FARS2: variants seen among roughly 807,000 people sequenced by gnomAD.
FARS2 encodes phenylalanyl-tRNA synthetase 2, mitochondrial, also known as phenylalanine--tRNA ligase, mitochondrial.
FARS2 carries 40 observed loss-of-function variants against 46.4 expected under a neutral mutation model. The observed-to-expected ratio is 0.86, with a 90% CI of 0.67 to 1.12. The LOEUF is 1.12. FARS2 is among the 50% of genes most tolerant of loss of function. The pLI is 0.00. For synonymous variants in FARS2, 234 were observed against 214.9 expected (o/e 1.09, Z -0.78); for missense variants, 513 against 567.9 (o/e 0.90, Z 0.98).
At chr6:5,731,544 A>C (rs749301092) in intron 6 of FARS2, among the ~76,000 whole-genome samples, 2 of 152,190 alleles carry the variant, frequency 1.3e-5, no homozygotes, top group African/African-American at 4.8e-5. Flanking sequence ...CACACACCGG[A>C]GTATGGTTTT....
intron 6 of FARS2, among the ~76,000 whole-genome samples, chr6:5,769,870 G>A (rs1446389747): frequency 6.6e-6 from 1 of 152,204 alleles, no homozygotes; most frequent in Non-Finnish European, 1.5e-5. Context: ...GCACAGCATA[G>A]CAGCTTATCT....
At chr6:5,581,353 C>T (rs1773316819) in intron 5 of FARS2, among the ~76,000 whole-genome samples, 2 of 152,186 alleles carry the variant, frequency 1.3e-5, no homozygotes, top group Non-Finnish European at 2.9e-5. Flanking sequence ...CCATCGTGGG[C>T]AGGAAGGGGA....
intron 1 of FARS2, among the ~76,000 whole-genome samples, chr6:5,285,283 A>G (rs1239082286): frequency 6.6e-6 from 1 of 152,120 alleles, no homozygotes; most frequent in Non-Finnish European, 1.5e-5. Flanking sequence ...CGAGGGGAGC[A>G]ATAAGCTGGA....
chr6:5,522,570 T>C (rs1310682658), intron 4 of FARS2, among the ~76,000 whole-genome samples: 1 of 152,242 alleles, frequency 6.6e-6, no homozygotes. Flanking sequence ...CGGAAGTATG[T>C]TTTTGGCTTT....
At chr6:5,505,320 GT>G (rs1768038540) in intron 4 of FARS2, among the ~76,000 whole-genome samples, 1 of 152,120 alleles carries the variant, frequency 6.6e-6, no homozygotes, top group African/African-American at 2.4e-5. Context: ...TGCCTTAGTG[GT>G]TTTGCTCCAC....
At chr6:5,542,983 A>G (rs1770724910) in intron 4 of FARS2, among the ~76,000 whole-genome samples, 1 of 152,144 alleles carries the variant, frequency 6.6e-6, no homozygotes, top group African/African-American at 2.4e-5. Flanking sequence ...TTTGAAATGT[A>G]TTTTGTGTTC....
intron 5 of FARS2, among the ~76,000 whole-genome samples, chr6:5,584,594 A>G (rs1157048474): frequency 6.6e-6 from 1 of 151,894 alleles, no homozygotes; most frequent in African/African-American, 2.4e-5. Flanking sequence ...GTATGTTTAT[A>G]TATTTAAAAT....
intron 4 of FARS2, among the ~76,000 whole-genome samples, chr6:5,525,596 C>A (rs1411894516): frequency 6.6e-6 from 1 of 152,164 alleles, no homozygotes; most frequent in Non-Finnish European, 1.5e-5. Context: ...ATAAAGAAAA[C>A]TGTGTGAGTG....
intron 1 of FARS2, among the ~76,000 whole-genome samples, chr6:5,364,420 G>A (rs763964412): frequency 5.1e-4 from 78 of 151,944 alleles, no homozygotes; most frequent in Non-Finnish European, 1.1e-3. Flanking sequence ...TCTTATAGTT[G>A]GTCTGATTGT....
At chr6:5,716,885 A>G (rs1371558255) in intron 6 of FARS2, among the ~76,000 whole-genome samples, 2 of 152,236 alleles carry the variant, frequency 1.3e-5, no homozygotes, top group Admixed American at 1.3e-4. Context: ...ATGCTCAGCT[A>G]TCTGGAGGCT....
rs528864894 is a variant in FARS2, at chr6:5,685,416, G to A, written c.1217+72096G>A. Among the ~76,000 whole-genome samples the A allele has an allele frequency of 7.2e-5, 11 of 152,202 alleles. 1 individual carries two copies. Among genetic ancestry groups the A allele is most frequent in the South Asian group, 2.1e-4 (1 of 4,824 alleles). ...CAGTCCTTCCAACCCATCCTAAATCGTGGCCACGGAGGTGAGCAGTTAGGC... is the reference window on the plus strand; with the variant it reads ...CAGTCCTTCCAACCCATCCTAAATCATGGCCACGGAGGTGAGCAGTTAGGC... On this transcript the variant is annotated intron_variant, in intron 6 of 6. Transcript: ENST00000274680.
intron 6 of FARS2, among the ~76,000 whole-genome samples, chr6:5,656,480 AC>A (rs1777610552): frequency 6.6e-6 from 1 of 151,772 alleles, no homozygotes; most frequent in South Asian, 2.1e-4. Flanking sequence ...GATTCTTGCC[AC>A]CCCCCAGAGC....
chr6:5,635,696 T>A (rs1776513343), intron 6 of FARS2, among the ~76,000 whole-genome samples: 1 of 152,158 alleles, frequency 6.6e-6, no homozygotes, highest in Admixed American at 6.5e-5. Flanking sequence ...TGGCGTTGGA[T>A]GAGACGTGCA....
At chr6:5,334,981 C>T (rs797133) in intron 1 of FARS2, among the ~76,000 whole-genome samples, 103,732 of 152,010 alleles carry the variant, frequency 0.68, 36,108 homozygotes, top group East Asian at 0.82. Context: ...GCTTTCTATC[C>T]ATAAATTAAG....
chr6:5,311,160 C>T lies in FARS2; in HGVS notation c.-22+49500C>T, dbSNP rs534460019. Among the ~76,000 whole-genome samples the T allele has an allele frequency of 2.0e-5, 3 of 152,162 alleles. No individual in the cohort carries two copies. Among genetic ancestry groups the T allele is most frequent in the Non-Finnish European group, 2.9e-5 (2 of 67,996 alleles). ...GTGATGATATGGTTTGTAGTTGTTG[C>T]GAGTGAAGAGGATTTGTATGTGCTG... is the stretch of plus-strand genomic sequence containing the variant. On this transcript the variant is annotated intron_variant, in intron 1 of 6. Coordinates refer to ENST00000274680, the MANE Select transcript of FARS2 (RefSeq NM_006567.5). This position sits in a 1 kb window ranked among gnomAD's most constrained non-coding sequence, Gnocchi z 4.1.
rs561058425 is a variant in FARS2 at position 5,609,320 on chromosome 6, A to G, written c.1066-3849A>G. On this transcript the variant is annotated intron_variant, in intron 5 of 6. Coordinates refer to ENST00000274680, the MANE Select transcript of FARS2 (RefSeq NM_006567.5). ...GTTTGGCAAAGTATTGGCCTCTACCACCATAGGGACCAGAGCTTCTGCCTC... is the reference window on the plus strand; with the variant it reads ...GTTTGGCAAAGTATTGGCCTCTACCGCCATAGGGACCAGAGCTTCTGCCTC... The G allele has an allele frequency of 3.7e-5, 42 of 1,123,100 alleles. 1 individual carries two copies. In the South Asian group the frequency reaches 3.9e-4, roughly 10 times the overall value. 69.6% of individuals were successfully genotyped at this position (1,123,100 alleles called of 1,614,324 possible).
intron 1 of FARS2, among the ~76,000 whole-genome samples, chr6:5,344,676 C>T (rs1001020526): frequency 6.6e-6 from 1 of 152,134 alleles, no homozygotes; most frequent in Admixed American, 6.5e-5. Flanking sequence ...ATCCGTCAGC[C>T]AAATTCAGTG....
At chr6:5,380,369 G>GT (rs1203117193) in intron 2 of FARS2, among the ~76,000 whole-genome samples, 1 of 152,188 alleles carries the variant, frequency 6.6e-6, no homozygotes, top group African/African-American at 2.4e-5. Context: ...TAGAGACGGT[G>GT]TTTTTTTCTA....
intron 6 of FARS2, among the ~76,000 whole-genome samples, chr6:5,660,006 G>A (rs1777778120): frequency 6.6e-6 from 1 of 152,108 alleles, no homozygotes; most frequent in East Asian, 1.9e-4. Flanking sequence ...TCTTAAGTTC[G>A]AGACTGTGTC....
Sources: gnomAD v4.1 joint callset for allele counts (sites outside exome capture counted in the v4.1 genomes callset) on GRCh38, gnomAD v4.1.1 for gene constraint, Gnocchi (gnomAD v3.1) non-coding constraint, MANE v1.5 for transcripts, NCBI Gene and HGNC (gene_info 2026-07-23, HGNC 2026-07-21) for gene names.